Variants in DHX32 observed in about 807,000 individuals in gnomAD.
The protein encoded by DHX32 is DEAH-box helicase 32 (putative), also known as putative pre-mRNA-splicing factor ATP-dependent RNA helicase DHX32.
Under a neutral mutation model 70.0 loss-of-function variants are expected in DHX32, and 51 were observed. That is an observed-to-expected ratio of 0.73 (90% CI 0.58 to 0.92). The LOEUF (loss-of-function observed/expected upper bound fraction) is 0.92, where lower values mean the gene tolerates loss of function less well. DHX32 is among the 40% of genes least tolerant of loss of function. The pLI is 0.00. For synonymous variants in DHX32, 310 were observed against 315.3 expected, an observed-to-expected ratio of 0.98 and a Z score of 0.18; for missense variants, 762 against 891.8, an observed-to-expected ratio of 0.85 and a Z score of 1.85.
intron 6 of DHX32, among the ~76,000 whole-genome samples, chr10:125,845,162 C>T (rs1943998728): frequency 6.6e-6 from 1 of 152,224 alleles, no homozygotes; most frequent in South Asian, 2.1e-4. Flanking sequence ...CCAGAGCTGA[C>T]AGCCCCACGC....
chr10:125,841,055 AC>A, intron 7 of DHX32, 59 bp from the exon 8 acceptor site: 1 of 1,554,938 alleles, frequency 6.4e-7, no homozygotes, highest in Non-Finnish European at 8.7e-7. Flanking sequence ...TCTTAGCCTA[AC>A]ATGCAGAGGG....
In DHX32 at chr10:125,873,667, T is replaced by G. The variant is rs145119116; in HGVS notation, c.283-6484A>C. Among the ~76,000 whole-genome samples the G allele has an allele frequency of 7.2e-5, 11 of 152,306 alleles. No homozygotes were observed. In the East Asian group the frequency reaches 1.7e-3, roughly 24 times the overall value. On this transcript the variant is annotated intron_variant, in intron 1 of 10. Transcript: ENST00000284690. ...CAAGTCTTAATGGTTTCAACAACATTCCTGTAAAATGCCTAGCCTGAGTAT... is the reference window on the plus strand; with the variant it reads ...CAAGTCTTAATGGTTTCAACAACATGCCTGTAAAATGCCTAGCCTGAGTAT...
At chr10:125,861,547 C>G (rs533595869) in intron 2 of DHX32, among the ~76,000 whole-genome samples, 2 of 152,160 alleles carry the variant, frequency 1.3e-5, no homozygotes. Context: ...ATATGTTTTA[C>G]GCTGCACATG....
chr10:125,881,583 G>C (rs1480225209), upstream of DHX32, among the ~76,000 whole-genome samples: 1 of 152,148 alleles, frequency 6.6e-6, no homozygotes, highest in African/African-American at 2.4e-5. Context: ...TGTCAGTTTA[G>C]AAAGCCAAGT....
intron 1 of DHX32, among the ~76,000 whole-genome samples, chr10:125,872,998 C>T (rs1944264093): frequency 6.6e-6 from 1 of 152,170 alleles, no homozygotes; most frequent in African/African-American, 2.4e-5. Context: ...GCTCCATTCC[C>T]AACTCCGGGC....
At chr10:125,895,902 A>T (rs1326933263) in intron 1 of DHX32, among the ~76,000 whole-genome samples, 52 of 152,408 alleles carry the variant, frequency 3.4e-4, no homozygotes, top group Middle Eastern at 3.4e-3. Context: ...GGCGGCTCGC[A>T]TTGCTCCACG....
At position 125,836,579 on chromosome 10, in the gene DHX32, C is replaced by T. The variant is rs575071755; in HGVS notation, c.*108G>A. 54 of 1,412,622 alleles carry T rather than the reference C, an allele frequency of 3.8e-5. No individual in the cohort carries two copies. The highest frequency in any genetic ancestry group is 2.2e-4 in the African/African-American group (15 of 69,666). 87.5% of individuals were successfully genotyped at this position (1,412,622 alleles called of 1,614,324 possible). On this transcript the variant is annotated 3_prime_UTR_variant, in exon 11 of 11. Transcript: ENST00000284690. ...TACACAGTGTTATTTTCTTCAAGACCGTCCTGTGGATGTGAAATCCGTCTT... is the reference window on the plus strand; with the variant it reads ...TACACAGTGTTATTTTCTTCAAGACTGTCCTGTGGATGTGAAATCCGTCTT...
Position 125,873,297 on chromosome 10 carries a change from T to A in DHX32, c.283-6114A>T, listed in dbSNP as rs554801222. Among the ~76,000 whole-genome samples the A allele has an allele frequency of 1.7e-3, 252 of 152,304 alleles. 1 individual carries two copies. Among genetic ancestry groups the A allele is most frequent in the Non-Finnish European group, 3.0e-3 (203 of 68,028 alleles). On this transcript the variant is annotated intron_variant, in intron 1 of 10. Coordinates refer to ENST00000284690, the MANE Select transcript of DHX32 (RefSeq NM_018180.3). Reference sequence around the variant, plus strand: ...GTTAGTTAACTATAATTTAATATAGTTAAATGAGAATAAATGAAGTGAGAA... The same window carrying A: ...GTTAGTTAACTATAATTTAATATAGATAAATGAGAATAAATGAAGTGAGAA...
intron 3 of DHX32, among the ~76,000 whole-genome samples, chr10:125,857,463 C>G (rs2134051115): frequency 6.6e-6 from 1 of 152,332 alleles, no homozygotes; most frequent in South Asian, 2.1e-4. Flanking sequence ...CCGCCTGGGT[C>G]ACAGAGGCTC....
At chr10:125,838,475 A>G (rs1854772077) in intron 9 of DHX32, 88 bp from the exon 10 acceptor site, 1 of 1,240,378 alleles carries the variant, frequency 8.1e-7, no homozygotes, top group South Asian at 1.7e-5. Flanking sequence ...ATACCAAAGT[A>G]TTTTATACGG....
intron 1 of DHX32, among the ~76,000 whole-genome samples, chr10:125,875,608 A>G (rs1346722811): frequency 6.6e-6 from 1 of 152,262 alleles, no homozygotes; most frequent in Non-Finnish European, 1.5e-5. Context: ...GGCATGTCAG[A>G]ATTAGAATAA....
intron 1 of DHX32, among the ~76,000 whole-genome samples, chr10:125,867,765 A>G (rs1176867446): frequency 7.9e-6 from 1 of 127,322 alleles, no homozygotes; most frequent in Non-Finnish European, 1.8e-5. Flanking sequence ...TCAAGGACAA[A>G]AATGAAAAAA....
intron 1 of DHX32, among the ~76,000 whole-genome samples, chr10:125,878,927 C>G (rs1311610056): frequency 1.3e-5 from 2 of 148,680 alleles, no homozygotes; most frequent in African/African-American, 5.0e-5. Context: ...ACAGGCTGGT[C>G]TCGAACTCCT....
At position 125,859,693 on chromosome 10, in the gene DHX32, C is replaced by T; in HGVS notation, c.759G>A (p.Lys253=). The change falls in exon 3 of 11, where the codon AAG becomes AAA. Residue 253 remains lysine (K), a synonymous_variant. Transcript: ENST00000284690. ...VEVVYLSEAQ[K]DSFESILRLI... is the part of the protein sequence containing the mutation. ...GGCGTAAAATAGACTCAAAAGAATC[C>T]TTTTGAGCCTCACTAAGGTACACAA... is the stretch of plus-strand genomic sequence containing the variant. 16 of 1,613,900 alleles carry T rather than the reference C, an allele frequency of 9.9e-6. No homozygotes were observed. The highest frequency in any genetic ancestry group is 1.4e-5 in the Non-Finnish European group (16 of 1,179,984).
intron 2 of DHX32, among the ~76,000 whole-genome samples, chr10:125,862,448 T>G (rs1944196028): frequency 1.3e-5 from 2 of 151,814 alleles, no homozygotes; most frequent in South Asian, 2.1e-4. Flanking sequence ...TTTTTTTTTT[T>G]GCTGAGGCTA....
chr10:125,857,163 A>G (rs1436646468), intron 3 of DHX32, among the ~76,000 whole-genome samples: 1 of 152,242 alleles, frequency 6.6e-6, no homozygotes, highest in African/African-American at 2.4e-5. Context: ...ACAAATCCCA[A>G]TCCATAAGAG....
At chr10:125,879,717 T>C (rs528158338) in intron 1 of DHX32, among the ~76,000 whole-genome samples, 1 of 152,182 alleles carries the variant, frequency 6.6e-6, no homozygotes, top group East Asian at 1.9e-4. Context: ...AGGGGCATCA[T>C]CACAGCTCAC....
intron 6 of DHX32, among the ~76,000 whole-genome samples, chr10:125,843,362 T>C (rs1854932935): frequency 6.6e-6 from 1 of 152,026 alleles, no homozygotes; most frequent in African/African-American, 2.4e-5. Flanking sequence ...CTCAAAAACC[T>C]CACTTTGGGA....
At chr10:125,848,525 G>A (rs1340182200) in intron 6 of DHX32, among the ~76,000 whole-genome samples, 1 of 152,248 alleles carries the variant, frequency 6.6e-6, no homozygotes, top group South Asian at 2.1e-4. Context: ...GCCTTCCACC[G>A]GCAGTGTTGA....
Sources: allele counts gnomAD v4.1 joint callset (sites outside exome capture counted in the v4.1 genomes callset), GRCh38; gene constraint gnomAD v4.1.1; transcripts MANE v1.5; gene names NCBI Gene and HGNC (gene_info 2026-07-23, HGNC 2026-07-21).